Variants in CFAP43 observed in about 807,000 individuals in gnomAD.
The protein encoded by CFAP43 is cilia- and flagella-associated protein 43.
CFAP43 carries 155 observed loss-of-function variants against 218.9 expected under a neutral mutation model. The ratio of observed to expected loss-of-function variants is 0.71; its 90% CI spans 0.62 to 0.81. CFAP43 has a LOEUF of 0.81. Among genes scored for constraint, CFAP43 ranks in the 30% least tolerant of loss-of-function variants. The pLI is 0.00. For synonymous variants in CFAP43, 645 were observed against 681.3 expected (o/e 0.95, Z 0.83); for missense variants, 1,778 against 1,954.3 (o/e 0.91, Z 1.70).
At chr10:104,167,928 A>C (rs148295326) in intron 21 of CFAP43, among the ~76,000 whole-genome samples, 191 bp from the exon 22 acceptor site, 69 of 152,298 alleles carry the variant, frequency 4.5e-4, no homozygotes, top group African/African-American at 1.6e-3. Flanking sequence ...ACTTTATATA[A>C]AATACTGTGC....
At chr10:104,152,821 A>G (rs901488512) in intron 27 of CFAP43, 95 bp from the exon 28 acceptor site, 5 of 1,393,012 alleles carry the variant, frequency 3.6e-6, no homozygotes, top group Non-Finnish European at 4.8e-6. Flanking sequence ...GGGCAGATGG[A>G]GGGCAGCCCT....
intron 12 of CFAP43, among the ~76,000 whole-genome samples, chr10:104,191,301 C>A (rs1173185335): frequency 6.7e-6 from 1 of 149,986 alleles, no homozygotes; most frequent in Admixed American, 6.7e-5. Flanking sequence ...TTGCCATAGT[C>A]ATCTTCTAGT....
chr10:104,211,133 G>T (rs2090850049), intron 5 of CFAP43, among the ~76,000 whole-genome samples: 1 of 152,030 alleles, frequency 6.6e-6, no homozygotes, highest in Admixed American at 6.5e-5. Context: ...CATCTCCCCA[G>T]AGGCCTTCCT....
intron 16 of CFAP43, among the ~76,000 whole-genome samples, 173 bp from the exon 17 acceptor site, chr10:104,182,686 T>A (rs2089892645): frequency 6.6e-6 from 1 of 152,200 alleles, no homozygotes; most frequent in African/African-American, 2.4e-5. Flanking sequence ...TGCCTACTTC[T>A]TTTGCAGAAT....
intron 32 of CFAP43, 71 bp downstream of exon 32, chr10:104,143,355 C>A: frequency 7.3e-7 from 1 of 1,367,044 alleles, no homozygotes; most frequent in South Asian, 1.4e-5. Context: ...TTTTTGGTTA[C>A]ACTGACCAAT....
chr10:104,217,260 A>G (rs1231381800), intron 3 of CFAP43, among the ~76,000 whole-genome samples: 1 of 152,228 alleles, frequency 6.6e-6, no homozygotes, highest in Non-Finnish European at 1.5e-5. Context: ...TGGCCGAGCC[A>G]GTCAATGAAT....
chr10:104,147,859 G>A (rs1375401097), intron 29 of CFAP43, 32 bp downstream of exon 29: 1 of 1,471,076 alleles, frequency 6.8e-7, no homozygotes, highest in Non-Finnish European at 9.3e-7. Context: ...ATCAGAAAAT[G>A]CTTGTATTCA....
chr10:104,164,871 G>A lies in CFAP43; in HGVS notation c.3040-571C>T, dbSNP rs567939614. 2.0e-5 allele frequency among the ~76,000 whole-genome samples: 3 copies of A among 152,290 alleles called. No homozygotes were observed. The East Asian group carries it at 5.8e-4, about 29-fold the overall frequency. On this transcript the variant is annotated intron_variant, in intron 23 of 37. Transcript: ENST00000357060. ...TGAAATGTAAATTGTAACTCCATGT[G>A]CAGGTTGACAAATGCTGAAGTGGGT...
chr10:104,227,689 C>A (rs1399915056), intron 2 of CFAP43, among the ~76,000 whole-genome samples: 1 of 152,004 alleles, frequency 6.6e-6, no homozygotes, highest in African/African-American at 2.4e-5. Context: ...TTTATTATTT[C>A]CCTTTTAATT....
At chr10:104,157,763 TGTGTGTGTGTGTGAGAGAGAGAGAGA>T (rs1322484851) in intron 27 of CFAP43, among the ~76,000 whole-genome samples, 1 of 124,454 alleles carries the variant, frequency 8.0e-6, no homozygotes, top group South Asian at 2.9e-4. Flanking sequence ...TGTGTGTGTG[TGTGTGTGTGTGTGAGAGAGAGAGAGA>T]GAGAGAGAGA....
chr10:104,225,591 A>G lies in CFAP43; in HGVS notation c.320-34T>C, dbSNP rs546529798. On this transcript the variant is annotated intron_variant, in intron 2 of 37. Coordinates refer to ENST00000357060, the MANE Select transcript of CFAP43 (RefSeq NM_025145.7). The stretch of plus-strand genomic sequence containing the variant: ...TAAAATCCATTATCAGGATTTGATT[A>G]TGTTAAGACCATGTTCAGTTAACTA... 7 of 1,544,020 alleles carry G rather than the reference A, an allele frequency of 4.5e-6. No homozygotes were observed. In the East Asian group the frequency reaches 7.0e-5, roughly 15 times the overall value.
chr10:104,150,108 A>G (rs1029118449), intron 28 of CFAP43, among the ~76,000 whole-genome samples: 1 of 151,564 alleles, frequency 6.6e-6, no homozygotes, highest in Non-Finnish European at 1.5e-5. Flanking sequence ...ATGTTGTACC[A>G]TATATTAGCA....
intron 14 of CFAP43, 126 bp from the exon 15 acceptor site, chr10:104,186,249 C>T (rs769473020): frequency 1.8e-5 from 13 of 727,770 alleles, no homozygotes; most frequent in Middle Eastern, 3.8e-4. Context: ...AAAGTGCAAA[C>T]ATTGTCATTG....
chr10:104,207,978 T>G (rs1286617091), intron 5 of CFAP43, among the ~76,000 whole-genome samples, 154 bp from the exon 6 acceptor site: 3 of 152,214 alleles, frequency 2.0e-5, no homozygotes, highest in Admixed American at 6.5e-5. Context: ...ATAATTTTTT[T>G]TAAGGACAGA....
At chr10:104,131,624 A>T (rs531466951) in intron 36 of CFAP43, 140 bp from the exon 37 acceptor site, 2 of 967,348 alleles carry the variant, frequency 2.1e-6, no homozygotes, top group Admixed American at 6.5e-5. Context: ...AGTGCCTGGC[A>T]TAGTAGGCAC....
Position 104,182,429 on chromosome 10 carries a change from C to T in CFAP43, c.2226G>A (p.Glu742=). 1 of 1,612,594 alleles carries T rather than the reference C, an allele frequency of 6.2e-7. No individual in the cohort carries two copies. The highest frequency in any genetic ancestry group is 8.5e-7 in the Non-Finnish European group (1 of 1,179,500). ...LISLSSAMDK[E]NHYLSTTPKV... ...TTGGTGTTGTGCTTAAATAATGATT[C>T]TCCTTGTCCATGGCGCTGCTCAGGG... Residue 742 remains glutamate (E), a synonymous_variant, in exon 17 of 38, where the codon GAG becomes GAA. Transcript: ENST00000357060.
chr10:104,226,137 G>A (rs2091299395), intron 2 of CFAP43, among the ~76,000 whole-genome samples: 1 of 152,128 alleles, frequency 6.6e-6, no homozygotes, highest in African/African-American at 2.4e-5. Flanking sequence ...AACAAGAAGC[G>A]CCTGTCTCTG....
At chr10:104,190,805 T>A (rs1344369458) in intron 12 of CFAP43, among the ~76,000 whole-genome samples, 7 of 152,246 alleles carry the variant, frequency 4.6e-5, no homozygotes, top group Admixed American at 3.3e-4. Context: ...CATGAGTTTG[T>A]GCATTGTGGA....
chr10:104,179,042 G>C lies in CFAP43; in HGVS notation c.2447C>G (p.Ser816Ter), dbSNP rs750292859. The C allele has an allele frequency of 6.2e-7, 1 of 1,612,302 alleles. No homozygotes were observed. Among genetic ancestry groups the C allele is most frequent in the African/African-American group, 1.3e-5 (1 of 74,846 alleles). ...KRKEIKQGIK[S>*]LSKTILNMME... ...TACAACACTTACAGTTTTGGAAAGT[G>C]ATTTGATTCCTTGTTTTATCTCTTT... The change falls in exon 19 of 38, where the codon TCA (serine) becomes TGA (stop). Residue 816 changes from serine (S) to a stop codon, truncating the protein, a stop_gained. Coordinates refer to ENST00000357060, the MANE Select transcript of CFAP43 (RefSeq NM_025145.7). LOFTEE classifies it high-confidence loss of function.
Sources: allele counts gnomAD v4.1 joint callset (sites outside exome capture counted in the v4.1 genomes callset), GRCh38; gene constraint gnomAD v4.1.1; transcripts MANE v1.5; gene names NCBI Gene and HGNC (gene_info 2026-07-23, HGNC 2026-07-21).